ANO3: variants seen among roughly 807,000 people sequenced by gnomAD.
ANO3 encodes the protein anoctamin 3.
ANO3 carries 99 observed loss-of-function variants against 144.8 expected under a neutral mutation model. The observed-to-expected ratio is 0.68, with a 90% CI of 0.58 to 0.81. The LOEUF is 0.81. Ranked by LOEUF, ANO3 falls within the 30% of genes least tolerant of loss-of-function variation. The probability of loss-of-function intolerance (pLI) is 0.00; values close to 1 mark genes in which losing one functional copy is unlikely to be tolerated. For missense variants in ANO3, 905 were observed against 1,202.2 expected, an observed-to-expected ratio of 0.75 and a Z score of 3.66; for synonymous variants, 414 against 392.6, an observed-to-expected ratio of 1.05 and a Z score of -0.64.
chr11:26,265,045 A>T (rs1439308800), intron 1 of ANO3, among the ~76,000 whole-genome samples: 2 of 152,134 alleles, frequency 1.3e-5, no homozygotes, highest in Non-Finnish European at 2.9e-5. Flanking sequence ...AATAAAAAAG[A>T]TGAAAAGAAA....
intron 4 of ANO3, among the ~76,000 whole-genome samples, chr11:26,482,048 A>G (rs1256367278): frequency 6.6e-6 from 1 of 150,984 alleles, no homozygotes; most frequent in Non-Finnish European, 1.5e-5. Flanking sequence ...ACATGCTACC[A>G]TGCCTTGCTC....
intron 1 of ANO3, among the ~76,000 whole-genome samples, chr11:26,425,512 T>C (rs1245963727): frequency 6.6e-6 from 1 of 151,966 alleles, no homozygotes; most frequent in Non-Finnish European, 1.5e-5. Flanking sequence ...GAAATATAGT[T>C]TTTTTTATCT....
At chr11:26,243,407 G>A (rs1316284783) in intron 1 of ANO3, among the ~76,000 whole-genome samples, 4 of 150,120 alleles carry the variant, frequency 2.7e-5, no homozygotes, top group Admixed American at 6.6e-5. Flanking sequence ...ATGTGTATAC[G>A]TAAGCCCTCT....
At position 26,599,016 on chromosome 11, in the gene ANO3, A is replaced by G; in HGVS notation, c.1671+18A>G. 1 of 1,609,664 alleles carries G rather than the reference A, an allele frequency of 6.2e-7. No homozygotes were observed. The highest frequency in any genetic ancestry group is 8.5e-7 in the Non-Finnish European group (1 of 1,178,758). On this transcript the variant is annotated intron_variant, in intron 16 of 26. Transcript: ENST00000256737. ...TCTTCATGGTAAAGTATAGGCATCG[A>G]TATCAAAATGTTTTGGGATTCTAAA...
At chr11:26,356,007 C>A (rs2133918582) in intron 1 of ANO3, among the ~76,000 whole-genome samples, 1 of 152,240 alleles carries the variant, frequency 6.6e-6, no homozygotes, top group Middle Eastern at 3.4e-3. Flanking sequence ...TATAACAATT[C>A]TCAAATTTTT....
chr11:26,263,109 C>T (rs1224907994), intron 1 of ANO3, among the ~76,000 whole-genome samples: 1 of 152,160 alleles, frequency 6.6e-6, no homozygotes, highest in African/African-American at 2.4e-5. Context: ...TGCTTCCTCT[C>T]GTTTCCTCCA....
At chr11:26,366,731 A>C (rs1410566310) in intron 1 of ANO3, among the ~76,000 whole-genome samples, 1 of 151,206 alleles carries the variant, frequency 6.6e-6, no homozygotes, top group African/African-American at 2.4e-5. Context: ...ATGGCCAGTG[A>C]TGATGAGCAT....
At chr11:26,438,610 A>AAAAAAAAT (rs1858386789) in intron 1 of ANO3, among the ~76,000 whole-genome samples, 1 of 73,848 alleles carries the variant, frequency 1.4e-5, no homozygotes, top group Admixed American at 2.0e-4. Context: ...AAAAAAAAAG[A>AAAAAAAAT]AAAAAAAAAA....
intron 4 of ANO3, among the ~76,000 whole-genome samples, chr11:26,465,353 GCAT>G (rs1481420592): frequency 2.6e-5 from 4 of 151,652 alleles, no homozygotes; most frequent in African/African-American, 4.8e-5. Flanking sequence ...GTGCCTTATA[GCAT>G]CATATGTGAC....
chr11:26,335,191 C>T (rs1855161302), intron 1 of ANO3, among the ~76,000 whole-genome samples: 1 of 152,182 alleles, frequency 6.6e-6, no homozygotes, highest in Non-Finnish European at 1.5e-5. Context: ...TTTAATATCA[C>T]TAAGCCACAG....
chr11:26,559,694 A>G (rs2134244269), intron 13 of ANO3, 25 bp from the exon 14 acceptor site: 1 of 1,572,096 alleles, frequency 6.4e-7, no homozygotes, highest in South Asian at 1.1e-5. Flanking sequence ...TGCATGACTA[A>G]TATTTCTGTT....
At chr11:26,215,722 A>T (rs1273948509) in intron 1 of ANO3, among the ~76,000 whole-genome samples, 5 of 151,964 alleles carry the variant, frequency 3.3e-5, no homozygotes, top group African/African-American at 1.2e-4. Flanking sequence ...ACTTTTAACT[A>T]TCACTATTTC....
At chr11:26,492,624 A>C (rs941664041) in intron 4 of ANO3, among the ~76,000 whole-genome samples, 5 of 152,238 alleles carry the variant, frequency 3.3e-5, no homozygotes, top group African/African-American at 1.2e-4. Context: ...CGATAAGTAC[A>C]GGGCATTAAT....
chr11:26,313,948 C>G (rs1395245308), intron 1 of ANO3, among the ~76,000 whole-genome samples: 1 of 151,356 alleles, frequency 6.6e-6, no homozygotes, highest in Non-Finnish European at 1.5e-5. Flanking sequence ...GTGAGCATGA[C>G]TGCCAGGGTT....
At chr11:26,602,039 G>A (rs1376609052) in intron 17 of ANO3, among the ~76,000 whole-genome samples, 4 of 152,172 alleles carry the variant, frequency 2.6e-5, no homozygotes, top group Non-Finnish European at 4.4e-5. Context: ...TCTATTGCAC[G>A]TGAAATGGGA....
chr11:26,448,230 C>T (rs1858779004), intron 3 of ANO3, among the ~76,000 whole-genome samples: 1 of 148,100 alleles, frequency 6.8e-6, no homozygotes, highest in Non-Finnish European at 1.5e-5. Flanking sequence ...ACCCAGGAGG[C>T]GGAGGTTGCG....
chr11:26,655,862 A>T (rs1853670412), intron 24 of ANO3, among the ~76,000 whole-genome samples: 1 of 152,192 alleles, frequency 6.6e-6, no homozygotes, highest in African/African-American at 2.4e-5. Flanking sequence ...CAAAATATCT[A>T]GTGTGTAGTA....
At chr11:26,643,712 G>C (rs139492721) in intron 23 of ANO3, among the ~76,000 whole-genome samples, 119 of 122,958 alleles carry the variant, frequency 9.7e-4, no homozygotes, top group African/African-American at 3.2e-3. Flanking sequence ...GGCAACCAGA[G>C]TGAAACTCCC....
chr11:26,659,236 T>C (rs1853801762), intron 26 of ANO3, among the ~76,000 whole-genome samples: 1 of 152,136 alleles, frequency 6.6e-6, no homozygotes, highest in African/African-American at 2.4e-5. Flanking sequence ...TTTAGGGATA[T>C]AACACAGAAT....
Sources: allele counts gnomAD v4.1 joint callset (sites outside exome capture counted in the v4.1 genomes callset), GRCh38; gene constraint gnomAD v4.1.1; transcripts MANE v1.5; gene names NCBI Gene and HGNC (gene_info 2026-07-23, HGNC 2026-07-21).